TLN2: variants seen among roughly 807,000 people sequenced by gnomAD.
TLN2 encodes talin-2.
A neutral mutation model predicts 294.7 loss-of-function variants in TLN2; 118 were observed. The ratio of observed to expected loss-of-function variants is 0.40; its 90% CI spans 0.34 to 0.47. The LOEUF is 0.47. Ranked by LOEUF, TLN2 falls within the 20% of genes least tolerant of loss-of-function variation. The pLI, the probability that TLN2 is intolerant of heterozygous loss-of-function variation, is 0.84. For synonymous variants in TLN2, 1,431 were observed against 1,304.5 expected (o/e 1.10, Z -2.09); for missense variants, 3,083 against 3,282.2 (o/e 0.94, Z 1.48).
At chr15:62,438,633 T>A (rs1465224419) in intron 1 of TLN2, among the ~76,000 whole-genome samples, 2 of 152,190 alleles carry the variant, frequency 1.3e-5, no homozygotes, top group East Asian at 3.8e-4. Flanking sequence ...CCAACATTCA[T>A]GTTTAGGTTC....
chr15:62,513,609 T>A (rs1166036659), intron 1 of TLN2, among the ~76,000 whole-genome samples: 1 of 152,194 alleles, frequency 6.6e-6, no homozygotes, highest in African/African-American at 2.4e-5. Flanking sequence ...GTTACCCATT[T>A]GTGAAATGGC....
At chr15:62,448,097 A>C (rs1035407909) in intron 1 of TLN2, among the ~76,000 whole-genome samples, 55 of 152,274 alleles carry the variant, frequency 3.6e-4, no homozygotes, top group African/African-American at 1.3e-3. Context: ...GATTTAGGAG[A>C]CGAACTTGGA....
chr15:62,640,102 G>C (rs560236969), intron 3 of TLN2: 116 of 452,500 alleles, frequency 2.6e-4, no homozygotes, highest in African/African-American at 2.1e-3. Context: ...CAAGACCCTG[G>C]CTTTGGCATT....
chr15:62,465,257 G>C (rs957862716), intron 1 of TLN2, among the ~76,000 whole-genome samples: 1 of 151,838 alleles, frequency 6.6e-6, no homozygotes, highest in South Asian at 2.1e-4. Context: ...GGGAGTTATC[G>C]CTTACTTTCC....
At chr15:62,723,693 C>T (rs1294252791) in intron 26 of TLN2, among the ~76,000 whole-genome samples, 1 of 151,778 alleles carries the variant, frequency 6.6e-6, no homozygotes, top group African/African-American at 2.4e-5. Flanking sequence ...TGTCATGTGC[C>T]ACCACATCCA....
chr15:62,559,070 G>T (rs2042769629), intron 1 of TLN2, among the ~76,000 whole-genome samples: 1 of 152,186 alleles, frequency 6.6e-6, no homozygotes, highest in African/African-American at 2.4e-5. Context: ...AAACCCCTGT[G>T]AATGAACATC....
At chr15:62,509,136 C>T (rs960338592) in intron 1 of TLN2, among the ~76,000 whole-genome samples, 1 of 152,210 alleles carries the variant, frequency 6.6e-6, no homozygotes, top group African/African-American at 2.4e-5. Flanking sequence ...GCTCTAGGAT[C>T]TGTGATCTTA....
chr15:62,713,896 C>CTATA (rs2059587977), intron 22 of TLN2, among the ~76,000 whole-genome samples: 1 of 20,984 alleles, frequency 4.8e-5, no homozygotes, highest in African/African-American at 7.1e-5. Context: ...CTTCTTTAAG[C>CTATA]CATATATATA....
chr15:62,820,372 G>A (rs2067460113), intron 53 of TLN2, 114 bp from the exon 54 acceptor site: 2 of 1,191,994 alleles, frequency 1.7e-6, no homozygotes, highest in Admixed American at 2.4e-5. Context: ...TTAGGACAAT[G>A]CAGGTCAGGC....
intron 1 of TLN2, among the ~76,000 whole-genome samples, chr15:62,518,841 A>G (rs1595996401): frequency 6.6e-6 from 1 of 151,854 alleles, no homozygotes; most frequent in South Asian, 2.1e-4. Flanking sequence ...TAAGTGATCC[A>G]CCAGCCTCAG....
At chr15:62,575,534 A>C (rs1305069148) in intron 1 of TLN2, among the ~76,000 whole-genome samples, 1 of 152,076 alleles carries the variant, frequency 6.6e-6, no homozygotes, top group Non-Finnish European at 1.5e-5. Flanking sequence ...AAGGCAGACC[A>C]CCTCTTGGTA....
intron 9 of TLN2, among the ~76,000 whole-genome samples, chr15:62,667,517 T>C (rs757951084): frequency 6.6e-6 from 1 of 152,160 alleles, no homozygotes; most frequent in Non-Finnish European, 1.5e-5. Context: ...GTTTGTATGT[T>C]CATGTGGATC....
At chr15:62,822,932 G>A (rs766221447) in intron 54 of TLN2, among the ~76,000 whole-genome samples, 7 of 152,260 alleles carry the variant, frequency 4.6e-5, no homozygotes, top group Non-Finnish European at 7.4e-5. Flanking sequence ...ATAAAACAAA[G>A]GTTTAAAAAA....
intron 1 of TLN2, among the ~76,000 whole-genome samples, chr15:62,481,923 A>G (rs898794296): frequency 1.5e-4 from 23 of 149,824 alleles, no homozygotes; most frequent in Admixed American, 1.3e-3. Context: ...CAGCCTCCCG[A>G]GTAGCTGGGA....
chr15:62,567,726 T>C (rs1227843016), intron 1 of TLN2, among the ~76,000 whole-genome samples: 1 of 152,046 alleles, frequency 6.6e-6, no homozygotes, highest in African/African-American at 2.4e-5. Flanking sequence ...TCCCAGCTAC[T>C]TGGGGGTGGG....
chr15:62,515,386 A>G (rs967443381), intron 1 of TLN2, among the ~76,000 whole-genome samples: 2 of 152,226 alleles, frequency 1.3e-5, no homozygotes, highest in Non-Finnish European at 2.9e-5. Context: ...AAATTTGCAT[A>G]GTTTCCAGAC....
chr15:62,705,849 A>G (rs1239937046), intron 19 of TLN2, among the ~76,000 whole-genome samples: 1 of 152,186 alleles, frequency 6.6e-6, no homozygotes, highest in African/African-American at 2.4e-5. Context: ...TATACCTTGG[A>G]TAGCCAGGAA....
chr15:62,806,246 T>C (rs1402961949), intron 51 of TLN2, among the ~76,000 whole-genome samples: 1 of 152,014 alleles, frequency 6.6e-6, no homozygotes, highest in Non-Finnish European at 1.5e-5. Context: ...CTGTGGGAAA[T>C]GACTCTCTAA....
At chr15:62,794,373 G>C (rs887029637) in intron 46 of TLN2, among the ~76,000 whole-genome samples, 1 of 152,156 alleles carries the variant, frequency 6.6e-6, no homozygotes, top group African/African-American at 2.4e-5. Flanking sequence ...GCCATGACTT[G>C]TCTGCCTTTG....
Sources: allele counts gnomAD v4.1 joint callset (sites outside exome capture counted in the v4.1 genomes callset), GRCh38; gene constraint gnomAD v4.1.1; transcripts MANE v1.5; gene names NCBI Gene and HGNC (gene_info 2026-07-23, HGNC 2026-07-21).